PRKD1: variants seen among roughly 807,000 people sequenced by gnomAD.
The protein encoded by PRKD1 is protein kinase D1, also known as serine/threonine-protein kinase D1.
PRKD1 carries 63 observed loss-of-function variants against 95.9 expected under a neutral mutation model. That is an observed-to-expected ratio of 0.66 (90% CI 0.54 to 0.81). PRKD1 has a LOEUF of 0.81. Ranked by LOEUF, PRKD1 falls within the 30% of genes least tolerant of loss-of-function variation. The pLI is 0.00. For synonymous variants in PRKD1, 425 were observed against 423.1 expected (o/e 1.00, Z -0.05); for missense variants, 1,048 against 1,165.3 (o/e 0.90, Z 1.47).
intron 1 of PRKD1, among the ~76,000 whole-genome samples, chr14:29,800,568 G>C (rs959305611): frequency 1.3e-5 from 2 of 152,006 alleles, no homozygotes; most frequent in African/African-American, 4.8e-5. Context: ...CTTCATATTT[G>C]GTAAGTCCAC....
In PRKD1 at chr14:29,648,237, T is replaced by C. The variant is rs531690864; in HGVS notation, c.697-9333A>G. ...CAAGGACAATCAATTCTTTAACTTTTCTACTTCAATCCCCCCTTTGGTGCT... is the reference window on the plus strand; with the variant it reads ...CAAGGACAATCAATTCTTTAACTTTCCTACTTCAATCCCCCCTTTGGTGCT... On this transcript the variant is annotated intron_variant, in intron 4 of 17. Transcript: ENST00000331968. Among the ~76,000 whole-genome samples the C allele has an allele frequency of 2.0e-5, 3 of 152,268 alleles. No individual in the cohort carries two copies. In the South Asian group the frequency reaches 6.2e-4, roughly 32 times the overall value.
rs1483824814 is a variant in PRKD1 at position 29,826,852 on chromosome 14, T to C, written c.264+100397A>G. Among the ~76,000 whole-genome samples the C allele has an allele frequency of 1.6e-4, 15 of 92,758 alleles. 1 individual carries two copies. Among genetic ancestry groups the C allele is most frequent in the African/African-American group, 6.3e-4 (15 of 23,628 alleles). 60.9% of individuals were successfully genotyped at this position (92,758 alleles called of 152,430 possible). On this transcript the variant is annotated intron_variant, in intron 1 of 17. Coordinates refer to ENST00000331968, the MANE Select transcript of PRKD1 (RefSeq NM_002742.3). ...ATATATATATATACACACATATATATATATATATATATATATATATATATG... is the reference window on the plus strand; with the variant it reads ...ATATATATATATACACACATATATACATATATATATATATATATATATATG...
intron 1 of PRKD1, among the ~76,000 whole-genome samples, chr14:29,819,880 AC>A (rs1890843343): frequency 6.6e-6 from 1 of 152,212 alleles, no homozygotes; most frequent in Admixed American, 6.5e-5. Context: ...AACACTATTG[AC>A]CTGAACCAAC....
intron 1 of PRKD1, among the ~76,000 whole-genome samples, chr14:29,766,099 C>T (rs765495297): frequency 2.0e-5 from 3 of 151,934 alleles, no homozygotes; most frequent in Admixed American, 1.3e-4. Flanking sequence ...AGAGCAACGA[C>T]GAAGAGAAGG....
intron 1 of PRKD1, among the ~76,000 whole-genome samples, chr14:29,827,084 G>A (rs542536586): frequency 2.0e-5 from 3 of 150,908 alleles, no homozygotes; most frequent in Non-Finnish European, 4.4e-5. Flanking sequence ...GGGAAAGGGC[G>A]GGAAAGGAGT....
rs150570301 is a variant in PRKD1 at position 29,609,506 on chromosome 14, GCA to G, written c.1906-9691_1906-9690del. 2.9e-3 allele frequency among the ~76,000 whole-genome samples: 367 copies of G among 127,482 alleles called. 4 individuals are homozygous for G. Among genetic ancestry groups the G allele is most frequent in the African/African-American group, 9.9e-3 (334 of 33,748 alleles). The allele number at this position is 127,482 out of a possible 152,430, so 83.6% of individuals were successfully genotyped here. On this transcript the variant is annotated intron_variant, in intron 13 of 17. Transcript: ENST00000331968. The stretch of plus-strand genomic sequence containing the variant: ...CTAATCTATTTGTGTGTGTGTGCGT[GCA>G]CACACACACACACACACACACACAC...
chr14:29,798,018 C>T (rs1170312179), intron 1 of PRKD1, among the ~76,000 whole-genome samples: 1 of 152,194 alleles, frequency 6.6e-6, no homozygotes, highest in African/African-American at 2.4e-5. Context: ...CATATTGAAA[C>T]TTAAGGCATT....
At chr14:29,752,931 C>T (rs1887544634) in intron 1 of PRKD1, among the ~76,000 whole-genome samples, 1 of 152,064 alleles carries the variant, frequency 6.6e-6, no homozygotes, top group Admixed American at 6.6e-5. Flanking sequence ...CCACTTTCCT[C>T]CCAAAGTCAT....
intron 2 of PRKD1, among the ~76,000 whole-genome samples, chr14:29,711,085 G>A (rs987887580): frequency 5.3e-5 from 8 of 152,098 alleles, no homozygotes; most frequent in Non-Finnish European, 1.0e-4. Context: ...ATAAGCCCAA[G>A]ACTGCTGTTG....
chr14:29,598,941 G>A (rs1893411370), intron 15 of PRKD1, 86 bp downstream of exon 15: 1 of 1,133,572 alleles, frequency 8.8e-7, no homozygotes, highest in Non-Finnish European at 1.3e-6. Context: ...AAGGTTTTAA[G>A]GGAAAAATGG....
At chr14:29,628,977 T>G in intron 11 of PRKD1, 64 bp downstream of exon 11, 1 of 1,194,324 alleles carries the variant, frequency 8.4e-7, no homozygotes, top group Non-Finnish European at 1.1e-6. Context: ...AAAAACTATT[T>G]TATGATGCTT....
intron 2 of PRKD1, among the ~76,000 whole-genome samples, chr14:29,669,301 CAA>C (rs1290943438): frequency 6.6e-6 from 1 of 152,126 alleles, no homozygotes; most frequent in African/African-American, 2.4e-5. Context: ...TCAACTTTTA[CAA>C]AAGTCAGTGG....
chr14:29,607,380 G>A (rs1487405268), intron 13 of PRKD1, among the ~76,000 whole-genome samples: 4 of 152,182 alleles, frequency 2.6e-5, no homozygotes, highest in Non-Finnish European at 5.9e-5. Context: ...AGTCTGGTGA[G>A]CTCAGCTGTT....
intron 1 of PRKD1, among the ~76,000 whole-genome samples, chr14:29,838,374 T>G (rs995182317): frequency 4.6e-5 from 7 of 152,214 alleles, no homozygotes; most frequent in African/African-American, 1.7e-4. Context: ...AAGCCATAAG[T>G]GCTTCACATC....
At chr14:29,614,188 G>A (rs1441747751) in intron 13 of PRKD1, among the ~76,000 whole-genome samples, 1 of 152,162 alleles carries the variant, frequency 6.6e-6, no homozygotes, top group Non-Finnish European at 1.5e-5. Context: ...TCCATGGGGA[G>A]AACAATAATG....
At chr14:29,583,908 T>A (rs1206151416) in intron 16 of PRKD1, among the ~76,000 whole-genome samples, 2 of 152,190 alleles carry the variant, frequency 1.3e-5, no homozygotes, top group Non-Finnish European at 2.9e-5. Flanking sequence ...CCTTCTAACT[T>A]CCTGTACAGC....
At chr14:29,605,350 G>A (rs1051749436) in intron 13 of PRKD1, among the ~76,000 whole-genome samples, 14 of 152,090 alleles carry the variant, frequency 9.2e-5, no homozygotes, top group African/African-American at 3.4e-4. Context: ...TTCTCTCTCT[G>A]CTTAAGTATT....
chr14:29,610,881 A>G (rs1878414257), intron 13 of PRKD1, among the ~76,000 whole-genome samples: 1 of 152,208 alleles, frequency 6.6e-6, no homozygotes, highest in Non-Finnish European at 1.5e-5. Flanking sequence ...GTACATTACT[A>G]AGTGAAAGAA....
intron 1 of PRKD1, among the ~76,000 whole-genome samples, chr14:29,793,705 A>G (rs552812955): frequency 2.0e-5 from 3 of 152,204 alleles, no homozygotes; most frequent in South Asian, 2.1e-4. Flanking sequence ...ACTCTTCTAC[A>G]TAACTCCATT....
Sources: gnomAD v4.1 joint callset for allele counts (sites outside exome capture counted in the v4.1 genomes callset) on GRCh38, gnomAD v4.1.1 for gene constraint, MANE v1.5 for transcripts, NCBI Gene and HGNC (gene_info 2026-07-23, HGNC 2026-07-21) for gene names.